SLC36A3: variants seen among roughly 807,000 people sequenced by gnomAD.
SLC36A3 encodes proton-coupled amino acid transporter 3.
A neutral mutation model predicts 44.3 loss-of-function variants in SLC36A3; 35 were observed. The observed-to-expected ratio is 0.79, with a 90% CI of 0.60 to 1.05. The LOEUF (loss-of-function observed/expected upper bound fraction) is 1.05, where lower values mean the gene tolerates loss of function less well. SLC36A3 is among the 50% of genes least tolerant of loss of function. The pLI, the probability that SLC36A3 is intolerant of heterozygous loss-of-function variation, is 0.00. For missense variants in SLC36A3, 540 were observed against 578.7 expected, an observed-to-expected ratio of 0.93 and a Z score of 0.69; for synonymous variants, 211 against 227.6, an observed-to-expected ratio of 0.93 and a Z score of 0.66.
chr5:151,290,645 C>G (rs893273059), intron 4 of SLC36A3, among the ~76,000 whole-genome samples: 2 of 152,158 alleles, frequency 1.3e-5, no homozygotes, highest in African/African-American at 4.8e-5. Context: ...CCTGTAATCC[C>G]ACCACTTTGC....
chr5:151,296,041 C>G (rs1754946485), intron 3 of SLC36A3, 139 bp downstream of exon 3: 2 of 770,918 alleles, frequency 2.6e-6, no homozygotes, highest in Admixed American at 4.8e-5. Flanking sequence ...GTCATGCTCT[C>G]CTTGCCTTCA....
At chr5:151,298,819 C>G (rs949032027) in intron 1 of SLC36A3, 136 bp from the exon 2 acceptor site, 1 of 735,168 alleles carries the variant, frequency 1.4e-6, no homozygotes, top group African/African-American at 1.7e-5. Flanking sequence ...GACTTGGAGA[C>G]AACTCTCAGT....
intron 4 of SLC36A3, among the ~76,000 whole-genome samples, chr5:151,290,053 T>C (rs1461934382): frequency 2.7e-5 from 4 of 147,072 alleles, no homozygotes; most frequent in African/African-American, 1.1e-4. Context: ...AGATATATTG[T>C]TTTCTCCTCT....
At chr5:151,286,181 T>A (rs545401280) in intron 6 of SLC36A3, among the ~76,000 whole-genome samples, 1 of 152,370 alleles carries the variant, frequency 6.6e-6, no homozygotes, top group East Asian at 1.9e-4. Context: ...ATAAAGATAC[T>A]ATAGTTGTTC....
At chr5:151,284,277 GGTT>G in intron 7 of SLC36A3, 67 bp from the exon 8 acceptor site, 8 of 1,396,652 alleles carry the variant, frequency 5.7e-6, no homozygotes, top group East Asian at 2.3e-5. Flanking sequence ...TGAAGGAGAG[GGTT>G]CCCGTACAAG....
At position 151,281,198 on chromosome 5, in the gene SLC36A3, A is replaced by T; in HGVS notation, c.975-15T>A. On this transcript the variant is annotated splice_polypyrimidine_tract_variant and intron_variant, in intron 8 of 9. Transcript: ENST00000335230. ...ACTGGTACAACCTGCAGACACATGA[A>T]TTGGATGTGAAAGGTGATGTGGCTC... 6.3e-7 allele frequency: 1 copy of T among 1,595,556 alleles called. No individual in the cohort carries two copies. The highest frequency in any genetic ancestry group is 8.5e-7 in the Non-Finnish European group (1 of 1,169,626).
At chr5:151,299,971 G>C (rs1755115292) in intron 1 of SLC36A3, among the ~76,000 whole-genome samples, 1 of 152,174 alleles carries the variant, frequency 6.6e-6, no homozygotes, top group African/African-American at 2.4e-5. Context: ...TTGTTAGAAA[G>C]CGCATCCTTC....
chr5:151,283,020 G>A (rs1400313459), intron 8 of SLC36A3, among the ~76,000 whole-genome samples: 1 of 152,052 alleles, frequency 6.6e-6, no homozygotes, highest in Non-Finnish European at 1.5e-5. Context: ...GAGTAGCTGG[G>A]ATTACAGGCT....
In SLC36A3 at chr5:151,284,174, G is replaced by T; in HGVS notation, c.844C>A (p.Gln282Lys). The change falls in exon 8 of 10, where the codon CAG (glutamine) becomes AAG (lysine). Residue 282 changes from glutamine to lysine, a missense_variant. Transcript: ENST00000335230. The part of the protein sequence containing the change: ...PLKNQMKHPQ[Q>K]FSFVLYLGMS... Reference sequence around the variant, plus strand: ...CCCAAGTACAGAACAAAAGAAAACTGCTGTGGATGCTTCATCTGGTTTTTG... The same window carrying T: ...CCCAAGTACAGAACAAAAGAAAACTTCTGTGGATGCTTCATCTGGTTTTTG... 6.2e-7 allele frequency: 1 copy of T among 1,611,830 alleles called. No homozygotes were observed. The highest frequency in any genetic ancestry group is 8.5e-7 in the Non-Finnish European group (1 of 1,179,354).
At chr5:151,290,163 A>T (rs1754704186) in intron 4 of SLC36A3, among the ~76,000 whole-genome samples, 1 of 152,156 alleles carries the variant, frequency 6.6e-6, no homozygotes, top group Non-Finnish European at 1.5e-5. Flanking sequence ...AATTATTCCA[A>T]ATTTGGAGAT....
At chr5:151,297,286 G>C (rs1394991342) in intron 2 of SLC36A3, 1 of 152,198 alleles carries the variant, frequency 6.6e-6, no homozygotes, top group Non-Finnish European at 1.5e-5. Flanking sequence ...TAAAAGCATT[G>C]TCTTAAAAAC....
At chr5:151,283,195 C>G (rs751114338) in intron 8 of SLC36A3, among the ~76,000 whole-genome samples, 20 of 152,328 alleles carry the variant, frequency 1.3e-4, no homozygotes, top group Middle Eastern at 3.4e-3. Context: ...CTTCTACTAT[C>G]TTTCTGAGCA....
At chr5:151,287,964 C>G (rs1362311043) in intron 5 of SLC36A3, among the ~76,000 whole-genome samples, 1 of 152,208 alleles carries the variant, frequency 6.6e-6, no homozygotes, top group Non-Finnish European at 1.5e-5. Context: ...GATGCTCCCT[C>G]TAATCCACAA....
intron 4 of SLC36A3, among the ~76,000 whole-genome samples, chr5:151,290,540 C>T (rs1224432521): frequency 1.3e-5 from 2 of 152,246 alleles, no homozygotes; most frequent in African/African-American, 2.4e-5. Context: ...CCATCACACA[C>T]ATACTGAATT....
rs561393259 is a variant in SLC36A3, at chr5:151,285,391, A to G, written c.709-680T>C. 9.2e-5 allele frequency among the ~76,000 whole-genome samples: 14 copies of G among 152,354 alleles called. No individual in the cohort carries two copies. The East Asian group carries it at 1.9e-3, about 21-fold the overall frequency. On this transcript the variant is annotated intron_variant, in intron 6 of 9. Coordinates refer to ENST00000335230, the MANE Select transcript of SLC36A3 (RefSeq NM_181774.4). ...ACACAGAGGAGAGGGGAATTGCCCA[A>G]GGTCACTATGCAAGTTAGTGGCACA...
At chr5:151,290,988 T>TA (rs200556792) in intron 4 of SLC36A3, among the ~76,000 whole-genome samples, 8 of 145,128 alleles carry the variant, frequency 5.5e-5, no homozygotes, top group African/African-American at 1.0e-4. Context: ...CAATAATTTC[T>TA]TTTTTTTTTT....
chr5:151,290,670 C>A (rs1352840925), intron 4 of SLC36A3, among the ~76,000 whole-genome samples: 2 of 152,038 alleles, frequency 1.3e-5, no homozygotes, highest in African/African-American at 4.8e-5. Context: ...CCGAGGCGGG[C>A]GGATCACGAG....
intron 2 of SLC36A3, chr5:151,298,343 C>T (rs1474637132): frequency 5.7e-5 from 26 of 454,226 alleles, no homozygotes; most frequent in Middle Eastern, 5.9e-4. Context: ...GTGGGGAGGA[C>T]TGCGGGGAGA....
At chr5:151,284,262 C>A (rs1754446840) in intron 7 of SLC36A3, 52 bp from the exon 8 acceptor site, 8 of 1,542,378 alleles carry the variant, frequency 5.2e-6, no homozygotes, top group Non-Finnish European at 7.0e-6. Context: ...AGATGTGGCC[C>A]ATTGTGAAGG....
Sources: gnomAD v4.1 joint callset for allele counts (sites outside exome capture counted in the v4.1 genomes callset) on GRCh38, gnomAD v4.1.1 for gene constraint, MANE v1.5 for transcripts, NCBI Gene and HGNC (gene_info 2026-07-23, HGNC 2026-07-21) for gene names.